PRKCE: variants seen among roughly 807,000 people sequenced by gnomAD.
PRKCE encodes protein kinase C epsilon type.
Under a neutral mutation model 85.4 loss-of-function variants are expected in PRKCE, and 16 were observed. The observed-to-expected ratio is 0.19, with a 90% confidence interval of 0.13 to 0.28. The LOEUF (loss-of-function observed/expected upper bound fraction) is 0.28. Among genes scored for constraint, PRKCE ranks in the 10% least tolerant of loss-of-function variants. PRKCE has a pLI of 1.00. For synonymous variants in PRKCE, 388 were observed against 371.5 expected (o/e 1.04, Z -0.51); for missense variants, 573 against 975.2 (o/e 0.59, Z 5.49).
chr2:45,846,439 C>T (rs1691794522), intron 2 of PRKCE, among the ~76,000 whole-genome samples: 1 of 152,162 alleles, frequency 6.6e-6, no homozygotes, highest in Non-Finnish European at 1.5e-5. Flanking sequence ...GCATCTAAAC[C>T]AACAACAGCA....
intron 10 of PRKCE, among the ~76,000 whole-genome samples, chr2:46,025,637 C>G (rs575357872): frequency 2.6e-5 from 4 of 152,326 alleles, no homozygotes; most frequent in African/African-American, 9.6e-5. Flanking sequence ...CTCACTCTCT[C>G]CCTCTGTCAC....
Position 46,139,562 on chromosome 2 carries a change from G to A in PRKCE, c.1593-5531G>A, listed in dbSNP as rs977120311. Among the ~76,000 whole-genome samples the A allele has an allele frequency of 6.6e-6, 1 of 152,170 alleles. No homozygotes were observed. The highest frequency in any genetic ancestry group is 2.1e-4 in the South Asian group (1 of 4,816). On this transcript the variant is annotated intron_variant, in intron 11 of 14. Transcript: ENST00000306156. This position sits in a 1 kb window ranked among gnomAD's most constrained non-coding sequence, Gnocchi z 5.2. ...AAGTTATCTGAAGGCTGATGGTCCA[G>A]TTACCATTCCTAGGACTTAGTCCTT...
intron 1 of PRKCE, among the ~76,000 whole-genome samples, chr2:45,666,897 G>A (rs1481587621): frequency 1.3e-5 from 2 of 152,188 alleles, no homozygotes; most frequent in African/African-American, 2.4e-5. Flanking sequence ...CTAGAATGCA[G>A]TGGTGTGATC....
chr2:45,990,287 G>A (rs1004204642), intron 6 of PRKCE, among the ~76,000 whole-genome samples: 3 of 152,194 alleles, frequency 2.0e-5, no homozygotes, highest in African/African-American at 7.2e-5. Flanking sequence ...ACAGTGACTG[G>A]CTTCCTTCAA....
intron 14 of PRKCE, among the ~76,000 whole-genome samples, chr2:46,173,395 T>C (rs960401146): frequency 6.6e-6 from 1 of 152,226 alleles, no homozygotes. Context: ...CAACCCTTGC[T>C]CCAGGGGTGG....
intron 2 of PRKCE, among the ~76,000 whole-genome samples, chr2:45,851,346 C>G (rs1251762881): frequency 2.6e-5 from 4 of 152,200 alleles, no homozygotes; most frequent in Admixed American, 2.6e-4. Context: ...TTTCTGTATG[C>G]TAGTTACTCT....
At chr2:45,958,966 A>G (rs1701199816) in intron 2 of PRKCE, among the ~76,000 whole-genome samples, 1 of 150,606 alleles carries the variant, frequency 6.6e-6, no homozygotes, top group South Asian at 2.1e-4. Context: ...TTAACATCAG[A>G]AAGAGCCACG....
chr2:46,129,518 G>A lies in PRKCE; in HGVS notation c.1593-15575G>A, dbSNP rs894603757. Among the ~76,000 whole-genome samples the A allele has an allele frequency of 5.9e-5, 9 of 152,232 alleles. No homozygotes were observed. The South Asian group carries it at 1.0e-3, about 17-fold the overall frequency. On this transcript the variant is annotated intron_variant, in intron 11 of 14. Transcript: ENST00000306156. The stretch of plus-strand genomic sequence containing the variant: ...GTGTTTCCATAGTGCCAAGAACAGC[G>A]CATGTCACGTGGTAGTCACTCCATG...
chr2:45,712,137 CTTTTTTTTTTTT>C (rs34233761), intron 1 of PRKCE, among the ~76,000 whole-genome samples: 5 of 45,796 alleles, frequency 1.1e-4, no homozygotes, highest in Admixed American at 1.1e-3. Flanking sequence ...ACGGCCTGTC[CTTTTTTTTTTTT>C]TTTTTTTTTT....
At position 45,978,784 on chromosome 2, in the gene PRKCE, G is replaced by A. The variant is rs575984712; in HGVS notation, c.573-192G>A. 7 of 577,152 alleles carry A rather than the reference G, an allele frequency of 1.2e-5. No homozygotes were observed. In the South Asian group the frequency reaches 1.3e-4, roughly 10 times the overall value. The allele number at this position is 577,152 out of a possible 1,614,324, so 35.8% of individuals were successfully genotyped here. On this transcript the variant is annotated intron_variant, in intron 3 of 14. Transcript: ENST00000306156. ...AAACCTTGCACCTCCCCAAGCACTGGGACTGCCCTCTGTGGGCTTCTGGAA... is the reference window on the plus strand; with the variant it reads ...AAACCTTGCACCTCCCCAAGCACTGAGACTGCCCTCTGTGGGCTTCTGGAA...
chr2:46,066,372 C>T (rs186452752), intron 10 of PRKCE, among the ~76,000 whole-genome samples: 1 of 152,234 alleles, frequency 6.6e-6, no homozygotes, highest in East Asian at 1.9e-4. Flanking sequence ...TCCTTCCTTT[C>T]TTTCCCTCCG....
At chr2:45,887,055 T>C (rs1168028574) in intron 2 of PRKCE, among the ~76,000 whole-genome samples, 3 of 152,222 alleles carry the variant, frequency 2.0e-5, no homozygotes, top group Admixed American at 6.5e-5. Flanking sequence ...TTGCTCCTTC[T>C]TGTAAACTCT....
chr2:45,865,493 T>C (rs1693517804), intron 2 of PRKCE, among the ~76,000 whole-genome samples: 1 of 152,204 alleles, frequency 6.6e-6, no homozygotes, highest in South Asian at 2.1e-4. Flanking sequence ...TAGTCTTGAA[T>C]AGTGCTATGT....
At chr2:45,745,836 A>G (rs919847677) in intron 1 of PRKCE, among the ~76,000 whole-genome samples, 3 of 152,170 alleles carry the variant, frequency 2.0e-5, no homozygotes, top group Non-Finnish European at 4.4e-5. Context: ...CAGTTTGTTC[A>G]GCATCGAATT....
At chr2:45,957,859 C>G (rs1279533914) in intron 2 of PRKCE, among the ~76,000 whole-genome samples, 1 of 151,156 alleles carries the variant, frequency 6.6e-6, no homozygotes. Context: ...CTGCAGTGAG[C>G]TGTGATTATG....
intron 1 of PRKCE, among the ~76,000 whole-genome samples, chr2:45,703,821 GCCT>G (rs199554062): frequency 0.026 from 3,944 of 152,272 alleles, 172 homozygotes; most frequent in African/African-American, 0.091. Context: ...TAACTATGCA[GCCT>G]GTTCACTCAT....
rs1342824133 is a variant in PRKCE at position 45,885,001 on chromosome 2, A to ATATATATATT, written c.412+41939_412+41940insATATATATTT. ...TATATATATATATATATATATATAT[A>ATATATATATT]TTTGTTGTTGTTGTTGTTGTTTTAC... On this transcript the variant is annotated intron_variant, in intron 2 of 14. Coordinates refer to ENST00000306156, the MANE Select transcript of PRKCE (RefSeq NM_005400.3). Among the ~76,000 whole-genome samples, 25 of 71,538 alleles carry ATATATATATT rather than the reference A, an allele frequency of 3.5e-4. 3 individuals carry two copies. The highest frequency in any genetic ancestry group is 1.4e-3 in the African/African-American group (24 of 17,310). The allele number at this position is 71,538 out of a possible 152,430, so 46.9% of individuals were successfully genotyped here. A position where few individuals can be genotyped will look rare whatever the true frequency, so the allele number is the denominator to read the frequency against.
intron 10 of PRKCE, among the ~76,000 whole-genome samples, chr2:46,033,059 A>C (rs541498028): frequency 6.6e-6 from 1 of 152,346 alleles, no homozygotes; most frequent in South Asian, 2.1e-4. Context: ...CAGATGAAAA[A>C]TGTAGAAGCA....
In PRKCE at chr2:45,886,109, A is replaced by C. The variant is rs1038462329; in HGVS notation, c.412+43046A>C. Among the ~76,000 whole-genome samples, 16 of 152,166 alleles carry C rather than the reference A, an allele frequency of 1.1e-4. 1 individual carries two copies. The highest frequency in any genetic ancestry group is 3.6e-4 in the African/African-American group (15 of 41,436). ...TGACCCCACGTTTGCTGGCAGGTGG[A>C]ACTCTTACCTGTCCGGGCCATGGGC... is the stretch of plus-strand genomic sequence containing the variant. On this transcript the variant is annotated intron_variant, in intron 2 of 14. Coordinates refer to ENST00000306156, the MANE Select transcript of PRKCE (RefSeq NM_005400.3).
Sources: gnomAD v4.1 joint callset for allele counts (sites outside exome capture counted in the v4.1 genomes callset) on GRCh38, gnomAD v4.1.1 for gene constraint, Gnocchi (gnomAD v3.1) non-coding constraint, MANE v1.5 for transcripts, NCBI Gene and HGNC (gene_info 2026-07-23, HGNC 2026-07-21) for gene names.